The following NTAQ1 variants were observed in gnomAD, a reference collection of about 807,000 sequenced individuals.
NTAQ1 encodes protein N-terminal glutamine amidohydrolase.
NTAQ1 carries 21 observed loss-of-function variants against 28.2 expected under a neutral mutation model. The ratio of observed to expected loss-of-function variants is 0.74; its 90% CI spans 0.53 to 1.07. NTAQ1 has a LOEUF of 1.07. NTAQ1 is among the 50% of genes least tolerant of loss of function. The pLI is 0.00. For synonymous variants in NTAQ1, 105 were observed against 90.0 expected (o/e 1.17, Z -0.94); for missense variants, 264 against 256.6 (o/e 1.03, Z -0.20).
chr8:123,462,284 G>A (rs902465808), intron 6 of NTAQ1, among the ~76,000 whole-genome samples: 8 of 152,160 alleles, frequency 5.3e-5, no homozygotes, highest in Non-Finnish European at 1.2e-4. Context: ...CTGACCTCTT[G>A]TGATCTGCCT....
chr8:123,419,413 T>G (rs1186632161), intron 1 of NTAQ1, among the ~76,000 whole-genome samples: 1 of 152,092 alleles, frequency 6.6e-6, no homozygotes, highest in Non-Finnish European at 1.5e-5. Context: ...TGCAGGTTTT[T>G]TAAGTTGAAA....
intron 6 of NTAQ1, among the ~76,000 whole-genome samples, chr8:123,455,470 G>C (rs1586966260): frequency 7.0e-6 from 1 of 143,686 alleles, no homozygotes; most frequent in Middle Eastern, 4.2e-3. Context: ...ACTCTCGCCT[G>C]GCTGGAGTGC....
At chr8:123,449,948 T>TGTGTGC (rs1267825051), downstream of NTAQ1, among the ~76,000 whole-genome samples, 4 of 20,710 alleles carry the variant, frequency 1.9e-4, no homozygotes, top group Non-Finnish European at 5.2e-4. Context: ...TGTGTGTGTG[T>TGTGTGC]GCATATATAT....
At chr8:123,430,123 G>GGT in intron 3 of NTAQ1, 90 bp downstream of exon 3, 2 of 913,542 alleles carry the variant, frequency 2.2e-6, no homozygotes, top group Non-Finnish European at 3.4e-6. Flanking sequence ...AGTGACCTAA[G>GGT]CAGTAGAGAA....
At chr8:123,430,439 C>T (rs1299483185) in intron 3 of NTAQ1, among the ~76,000 whole-genome samples, 2 of 151,858 alleles carry the variant, frequency 1.3e-5, no homozygotes, top group African/African-American at 4.8e-5. Context: ...GCCAGGAGTT[C>T]AAGACCAGCT....
chr8:123,439,813 G>T (rs940881786), intron 5 of NTAQ1, among the ~76,000 whole-genome samples: 1 of 151,566 alleles, frequency 6.6e-6, no homozygotes, highest in Non-Finnish European at 1.5e-5. Context: ...AATTAGCCAG[G>T]CGTGGTGGTG....
chr8:123,427,824 G>A lies in NTAQ1; in HGVS notation c.84-100G>A, dbSNP rs779364412. ...GTTGTTGGATGACATGGGGTTTAAG[G>A]TCTTTTCCAACTTTTTGATGTCATC... On this transcript the variant is annotated intron_variant, in intron 1 of 5. Coordinates refer to ENST00000287387, the MANE Select transcript of NTAQ1 (RefSeq NM_018024.3). 301 of 960,404 alleles carry A rather than the reference G, an allele frequency of 3.1e-4. 1 individual carries two copies. Among genetic ancestry groups the A allele is most frequent in the Middle Eastern group, 1.3e-3 (4 of 2,976 alleles). 59.5% of individuals were successfully genotyped at this position (960,404 alleles called of 1,614,324 possible). A position where few individuals can be genotyped will look rare whatever the true frequency, so the allele number is the denominator to read the frequency against.
At chr8:123,459,560 A>T (rs1288946850) in intron 6 of NTAQ1, among the ~76,000 whole-genome samples, 3 of 152,152 alleles carry the variant, frequency 2.0e-5, no homozygotes, top group Non-Finnish European at 4.4e-5. Context: ...GCTCACCAAG[A>T]GTCCCCTTAT....
At chr8:123,475,624 T>C in the NTAQ1 span, among the ~76,000 whole-genome samples, 3 of 152,224 alleles carry the variant, frequency 2.0e-5, no homozygotes. Flanking sequence ...CATTCAAAGG[T>C]AAATGTGTGA....
Position 123,416,861 on chromosome 8 carries a change from T to C in NTAQ1, c.12T>C (p.Asn4=), listed in dbSNP as rs1166880390. 3.9e-6 allele frequency: 6 copies of C among 1,530,080 alleles called. No individual in the cohort carries two copies. The Admixed American group carries it at 8.1e-5, about 21-fold the overall frequency. 94.8% of individuals were successfully genotyped at this position (1,530,080 alleles called of 1,614,324 possible). A position where few individuals can be genotyped will look rare whatever the true frequency, so the allele number is the denominator to read the frequency against. Residue 4 remains asparagine, a synonymous_variant, in exon 1 of 6, where the codon AAT becomes AAC. Transcript: ENST00000287387. ...CCAGCTAGCCGGCCATGGAAGGTAA[T>C]GGCCCCGCTGCTGTCCACTACCAGC... MEG[N]GPAAVHYQPA...
chr8:123,447,264 A>G (rs1016751178), intron 6 of NTAQ1, among the ~76,000 whole-genome samples: 1 of 152,296 alleles, frequency 6.6e-6, no homozygotes, highest in Middle Eastern at 3.4e-3. Flanking sequence ...TGCACATACA[A>G]CTAAAGAGCA....
chr8:123,429,879 C>CAA (rs71310685), intron 2 of NTAQ1, 104 bp from the exon 3 acceptor site: 69,921 of 328,990 alleles, frequency 0.21, 4,586 homozygotes, highest in Admixed American at 0.3. Context: ...GACTCTGTCT[C>CAA]AAAAAAAAAA....
chr8:123,436,377 A>G lies in NTAQ1; in HGVS notation c.235-76A>G, dbSNP rs1395276942. 7 of 1,446,934 alleles carry G rather than the reference A, an allele frequency of 4.8e-6. No homozygotes were observed. The Admixed American group carries it at 1.3e-4, about 28-fold the overall frequency. 89.6% of individuals were successfully genotyped at this position (1,446,934 alleles called of 1,614,324 possible). On this transcript the variant is annotated intron_variant, in intron 3 of 5. Transcript: ENST00000287387. ...TAGCAGTCCTATATCCTTTTTAGTG[A>G]TAAGGTATGTGTCTGAATACTGGGA...
chr8:123,465,876 C>T (rs545428088), intron 6 of NTAQ1, among the ~76,000 whole-genome samples: 1 of 152,182 alleles, frequency 6.6e-6, no homozygotes, highest in Non-Finnish European at 1.5e-5. Context: ...AGCCACTGCA[C>T]CCAGCCAGCA....
intron 1 of NTAQ1, among the ~76,000 whole-genome samples, chr8:123,424,154 C>G (rs1813896398): frequency 1.3e-5 from 2 of 149,328 alleles, no homozygotes; most frequent in East Asian, 2.0e-4. Flanking sequence ...CTCACTGCAA[C>G]CTGTGCCTCC....
At chr8:123,418,866 A>G (rs1012624730) in intron 1 of NTAQ1, among the ~76,000 whole-genome samples, 6 of 152,110 alleles carry the variant, frequency 3.9e-5, no homozygotes, top group African/African-American at 1.4e-4. Context: ...TGTCCTGTGT[A>G]TTGCAGGACG....
intron 6 of NTAQ1, among the ~76,000 whole-genome samples, chr8:123,461,580 A>G (rs1815825932): frequency 6.6e-6 from 1 of 152,192 alleles, no homozygotes; most frequent in Admixed American, 6.5e-5. Flanking sequence ...TACCATGCTT[A>G]GTATCTGCTA....
chr8:123,465,663 A>G (rs1171189141), intron 6 of NTAQ1, among the ~76,000 whole-genome samples: 1 of 147,696 alleles, frequency 6.8e-6, no homozygotes, highest in Non-Finnish European at 1.5e-5. Context: ...CTCACTGCAA[A>G]CTTTGCCTCC....
intron 6 of NTAQ1, among the ~76,000 whole-genome samples, chr8:123,457,390 C>T (rs1815680015): frequency 6.6e-6 from 1 of 152,006 alleles, no homozygotes; most frequent in African/African-American, 2.4e-5. Flanking sequence ...AAATCTTAAA[C>T]ATGATATAAA....
Sources: allele counts gnomAD v4.1 joint callset (sites outside exome capture counted in the v4.1 genomes callset), GRCh38; gene constraint gnomAD v4.1.1; transcripts MANE v1.5; gene names NCBI Gene and HGNC (gene_info 2026-07-23, HGNC 2026-07-21).